Variants in PDE1A observed in about 807,000 individuals in gnomAD.
PDE1A encodes phosphodiesterase 1A, also known as dual specificity calcium/calmodulin-dependent 3',5'-cyclic nucleotide phosphodiesterase 1A.
PDE1A carries 35 observed loss-of-function variants against 61.7 expected under a neutral mutation model. The observed-to-expected ratio is 0.57, with a 90% CI of 0.43 to 0.75. The LOEUF (loss-of-function observed/expected upper bound fraction) is 0.75. Among genes scored for constraint, PDE1A ranks in the 30% least tolerant of loss-of-function variants. The pLI is 0.00. For missense variants in PDE1A, 597 were observed against 630.6 expected, an observed-to-expected ratio of 0.95 and a Z score of 0.57; for synonymous variants, 232 against 213.2, an observed-to-expected ratio of 1.09 and a Z score of -0.77.
the PDE1A span, among the ~76,000 whole-genome samples, chr2:182,669,836 G>T: frequency 6.6e-6 from 1 of 152,168 alleles, no homozygotes; most frequent in African/African-American, 2.4e-5. Flanking sequence ...ACGCACCTGC[G>T]TGTGCGTTCT....
chr2:182,521,388 G>C (rs1690557433), intron 2 of PDE1A, among the ~76,000 whole-genome samples: 1 of 151,940 alleles, frequency 6.6e-6, no homozygotes, highest in Non-Finnish European at 1.5e-5. Flanking sequence ...TTTCATTTGA[G>C]ATCTGCAAAT....
the PDE1A span, among the ~76,000 whole-genome samples, chr2:182,539,267 C>A: frequency 6.6e-6 from 1 of 152,134 alleles, no homozygotes; most frequent in African/African-American, 2.4e-5. Flanking sequence ...AAATTCATAT[C>A]ATAAAAGATT....
At chr2:182,399,836 T>G (rs10803956) in intron 1 of PDE1A, among the ~76,000 whole-genome samples, 18,757 of 152,080 alleles carry the variant, frequency 0.12, 1,915 homozygotes, top group African/African-American at 0.28. Flanking sequence ...GTAATGGCAA[T>G]CATTAAGATT....
At chr2:182,372,875 G>A (rs1414255077) in intron 1 of PDE1A, among the ~76,000 whole-genome samples, 1 of 152,178 alleles carries the variant, frequency 6.6e-6, no homozygotes, top group South Asian at 2.1e-4. Flanking sequence ...TTCCTGTACA[G>A]AGGGACAGGC....
the PDE1A span, among the ~76,000 whole-genome samples, chr2:182,562,245 T>C: frequency 1.3e-5 from 2 of 152,100 alleles, no homozygotes; most frequent in East Asian, 1.9e-4. Context: ...ACCTAATTTA[T>C]TGAGAGTTTT....
At chr2:182,441,940 A>T (rs1684823972) in intron 2 of PDE1A, among the ~76,000 whole-genome samples, 1 of 152,122 alleles carries the variant, frequency 6.6e-6, no homozygotes, top group African/African-American at 2.4e-5. Flanking sequence ...TTAGGAATAA[A>T]GGTCCTCCTA....
chr2:182,571,425 T>C, the PDE1A span, among the ~76,000 whole-genome samples: 1 of 152,252 alleles, frequency 6.6e-6, no homozygotes, highest in South Asian at 2.1e-4. Flanking sequence ...CTTTGAGACT[T>C]TGGAGGTTTG....
chr2:182,575,707 G>GTATA, the PDE1A span, among the ~76,000 whole-genome samples: 1 of 138,826 alleles, frequency 7.2e-6, no homozygotes, highest in African/African-American at 3.0e-5. Flanking sequence ...ATTCCATTAT[G>GTATA]TATCTATATA....
chr2:182,613,955 T>C, the PDE1A span, among the ~76,000 whole-genome samples: 2 of 152,224 alleles, frequency 1.3e-5, no homozygotes, highest in East Asian at 3.8e-4. Context: ...GAAATTAGTA[T>C]GATAAGCAAG....
chr2:182,252,967 G>GT (rs556154944), intron 2 of PDE1A, among the ~76,000 whole-genome samples: 13 of 152,190 alleles, frequency 8.5e-5, no homozygotes, highest in Middle Eastern at 3.2e-3. Flanking sequence ...GTAGAAAAAT[G>GT]TAAGTCCCTC....
At chr2:182,636,502 G>A in the PDE1A span, among the ~76,000 whole-genome samples, 2 of 152,116 alleles carry the variant, frequency 1.3e-5, no homozygotes, top group Non-Finnish European at 2.9e-5. Flanking sequence ...AGGTGATTAA[G>A]TCACCCAGTT....
intron 13 of PDE1A, among the ~76,000 whole-genome samples, chr2:182,169,256 T>G (rs16822776): frequency 1.3e-5 from 2 of 151,972 alleles, no homozygotes; most frequent in Non-Finnish European, 1.5e-5. Context: ...AGTAGAGTTA[T>G]GGAAATACAG....
At chr2:182,596,695 AT>A in the PDE1A span, among the ~76,000 whole-genome samples, 1 of 152,006 alleles carries the variant, frequency 6.6e-6, no homozygotes, top group Non-Finnish European at 1.5e-5. Context: ...GGATGGATGG[AT>A]GGATGGATGG....
chr2:182,281,950 A>G (rs2125854028), intron 1 of PDE1A, among the ~76,000 whole-genome samples: 1 of 152,082 alleles, frequency 6.6e-6, no homozygotes, highest in Non-Finnish European at 1.5e-5. Flanking sequence ...TATTATTGAT[A>G]CCATTTTGTA....
At chr2:182,409,253 A>G (rs1468738896) in intron 1 of PDE1A, among the ~76,000 whole-genome samples, 2 of 152,144 alleles carry the variant, frequency 1.3e-5, no homozygotes, top group East Asian at 3.9e-4. Context: ...CCACTCCTAG[A>G]CTGTGAATAG....
chr2:182,701,048 G>C, the PDE1A span, among the ~76,000 whole-genome samples: 4 of 140,512 alleles, frequency 2.8e-5, no homozygotes, highest in Non-Finnish European at 6.4e-5. Context: ...TGTTGTTGTT[G>C]TTTTGAGATG....
chr2:182,398,666 C>G (rs539226248), intron 1 of PDE1A, among the ~76,000 whole-genome samples: 110 of 152,094 alleles, frequency 7.2e-4, no homozygotes, highest in African/African-American at 2.5e-3. Context: ...GTACTGACCA[C>G]AAGTGACTAC....
At chr2:182,440,130 C>T (rs1048911040) in intron 2 of PDE1A, among the ~76,000 whole-genome samples, 5 of 152,066 alleles carry the variant, frequency 3.3e-5, no homozygotes, top group African/African-American at 7.2e-5. Flanking sequence ...CTCTTCCTTT[C>T]AGGATTCATT....
chr2:182,339,035 T>C (rs1328480947), intron 1 of PDE1A, among the ~76,000 whole-genome samples: 1 of 152,208 alleles, frequency 6.6e-6, no homozygotes, highest in Admixed American at 6.5e-5. Context: ...TTCTTCCTCA[T>C]GGATTTGTGC....
Sources: gnomAD v4.1 joint callset for allele counts (sites outside exome capture counted in the v4.1 genomes callset) on GRCh38, gnomAD v4.1.1 for gene constraint, MANE v1.5 for transcripts, NCBI Gene and HGNC (gene_info 2026-07-23, HGNC 2026-07-21) for gene names.